The following TMEM272 variants were observed in gnomAD, a reference collection of about 807,000 sequenced individuals.
TMEM272 encodes transmembrane protein 272.
A neutral mutation model predicts 3.7 loss-of-function variants in TMEM272; 8 were observed. The observed-to-expected ratio is 2.17, with a 90% confidence interval of 1.27 to 3.91. The LOEUF is 3.91. Among genes scored for constraint, TMEM272 ranks in the 30% most tolerant of loss-of-function variants. TMEM272 has a pLI of 0.00. For missense variants in TMEM272, 166 were observed against 91.5 expected, an observed-to-expected ratio of 1.81 and a Z score of -3.32; for synonymous variants, 63 against 39.8, an observed-to-expected ratio of 1.58 and a Z score of -2.20.
chr13:51,816,811 C>A lies in TMEM272; in HGVS notation c.504G>T (p.Leu168=), dbSNP rs777225289. 1 of 703,000 alleles carries A rather than the reference C, an allele frequency of 1.4e-6. No homozygotes were observed. Among genetic ancestry groups the A allele is most frequent in the South Asian group, 1.5e-5 (1 of 67,600 alleles). 43.5% of individuals were successfully genotyped at this position (703,000 alleles called of 1,614,324 possible). ...ALSHTVLVLL[L]LCSGCVYLCS... is the part of the protein sequence containing the mutation. ...ACAGGTAGACACAGCCGCTGCACAG[C>A]AGGAGCAAGACCAGCACAGTGTGAC... The change falls in exon 5 of 5, where the codon CTG becomes CTT. Residue 168 remains leucine (L), a synonymous_variant. Transcript: ENST00000629372.
At chr13:51,870,609 C>T in the TMEM272 span, among the ~76,000 whole-genome samples, 589 of 152,204 alleles carry the variant, frequency 3.9e-3, 4 homozygotes, top group African/African-American at 0.014. Flanking sequence ...AGAAAGAAAC[C>T]AATAGCAACA....
At chr13:51,844,969 G>A (rs1187531916) in intron 1 of TMEM272, 47 bp downstream of exon 1, 1 of 152,198 alleles carries the variant, frequency 6.6e-6, no homozygotes, top group Non-Finnish European at 1.5e-5. Context: ...CCCTCTGCTA[G>A]GACTGTCTCT....
chr13:51,875,702 A>T, the TMEM272 span, among the ~76,000 whole-genome samples: 1 of 152,196 alleles, frequency 6.6e-6, no homozygotes, highest in African/African-American at 2.4e-5. Context: ...AGAACTGGGA[A>T]GAAAAGAACC....
the TMEM272 span, among the ~76,000 whole-genome samples, chr13:51,878,499 T>C: frequency 1.3e-5 from 2 of 151,962 alleles, no homozygotes; most frequent in Non-Finnish European, 2.9e-5. Flanking sequence ...AAGAACAGCA[T>C]GGGGGGGAAT....
At chr13:51,888,639 C>CTTTTTTTTTTTTTTTTTTTTTTTTTT in the TMEM272 span, among the ~76,000 whole-genome samples, 13 of 76,798 alleles carry the variant, frequency 1.7e-4, no homozygotes, top group Non-Finnish European at 2.9e-4. Context: ...TTTTCTTTTT[C>CTTTTTTTTTTTTTTTTTTTTTTTTTT]TTTTTTTTTT....
At chr13:51,914,489 C>A in the TMEM272 span, among the ~76,000 whole-genome samples, 1 of 152,218 alleles carries the variant, frequency 6.6e-6, no homozygotes. Flanking sequence ...GGACAGGGGA[C>A]AGGGGCTGGA....
chr13:51,929,595 C>T, the TMEM272 span, among the ~76,000 whole-genome samples: 1 of 152,216 alleles, frequency 6.6e-6, no homozygotes, highest in Non-Finnish European at 1.5e-5. Context: ...CCAAGGGATG[C>T]TGAGGAAGTA....
the TMEM272 span, among the ~76,000 whole-genome samples, chr13:51,886,824 G>A: frequency 1.3e-5 from 2 of 152,254 alleles, no homozygotes; most frequent in East Asian, 1.9e-4. Flanking sequence ...AAACAATGCT[G>A]AGACCAAGTC....
chr13:51,849,757 C>T (rs1956322527), upstream of TMEM272, among the ~76,000 whole-genome samples: 1 of 152,230 alleles, frequency 6.6e-6, no homozygotes. Flanking sequence ...GAATAACTCT[C>T]CTGTCTTCCT....
intron 3 of TMEM272, 79 bp from the exon 4 acceptor site, chr13:51,822,216 C>T: frequency 3.2e-6 from 2 of 625,818 alleles, no homozygotes; most frequent in Non-Finnish European, 2.9e-6. Flanking sequence ...GAGTGGAACA[C>T]CTTCAAAAGC....
At chr13:51,822,001 T>C (rs1956083724) in intron 4 of TMEM272, 54 bp downstream of exon 4, 1 of 702,376 alleles carries the variant, frequency 1.4e-6, no homozygotes, top group Non-Finnish European at 2.6e-6. Context: ...CATTACAGGA[T>C]GCCTGTGAGT....
rs1484830708 is a variant in TMEM272, at chr13:51,822,139, T to A, written c.119-2A>T. 4 of 695,702 alleles carry A rather than the reference T, an allele frequency of 5.7e-6. No individual in the cohort carries two copies. Among genetic ancestry groups the A allele is most frequent in the Admixed American group, 2.1e-5 (1 of 48,238 alleles). The allele number at this position is 695,702 out of a possible 1,614,324, so 43.1% of individuals were successfully genotyped here. On this transcript the variant is annotated splice_acceptor_variant, in intron 3 of 4. Transcript: ENST00000629372. LOFTEE classifies it high-confidence loss of function. ...GGCAGTCCTCCAAAAATTTCATTCC[T>A]ACATAGGGCAAACAGAAGAGGATTG...
At chr13:51,901,588 T>C in the TMEM272 span, among the ~76,000 whole-genome samples, 2 of 152,152 alleles carry the variant, frequency 1.3e-5, no homozygotes, top group African/African-American at 4.8e-5. Context: ...CATTACTAAC[T>C]ACCCCCGGAG....
chr13:51,859,505 A>ACACACACAC, the TMEM272 span, among the ~76,000 whole-genome samples: 1 of 129,868 alleles, frequency 7.7e-6, no homozygotes, highest in Non-Finnish European at 1.6e-5. Flanking sequence ...CTCCCAACCA[A>ACACACACAC]ACACACACAC....
the TMEM272 span, chr13:51,909,134 T>C: frequency 1.4e-6 from 2 of 1,443,536 alleles, no homozygotes; most frequent in Non-Finnish European, 1.9e-6. Context: ...AAGGATCTTT[T>C]TCTAAAAGTT....
chr13:51,842,759 C>T (rs570009145), intron 1 of TMEM272, among the ~76,000 whole-genome samples: 5 of 152,332 alleles, frequency 3.3e-5, no homozygotes, highest in Non-Finnish European at 7.3e-5. Flanking sequence ...ACCATTTGGT[C>T]TTCAGAACTC....
At chr13:51,933,059 T>C in the TMEM272 span, 1 of 152,124 alleles carries the variant, frequency 6.6e-6, no homozygotes, top group East Asian at 1.9e-4. Context: ...ATGTAAAAAG[T>C]GAAACTAACC....
chr13:51,912,698 G>A, the TMEM272 span, among the ~76,000 whole-genome samples: 32 of 152,228 alleles, frequency 2.1e-4, no homozygotes, highest in African/African-American at 6.7e-4. Context: ...CACTGACCTC[G>A]GTGTCTGCCT....
Position 51,816,894 on chromosome 13 carries a change from G to T in TMEM272, c.421C>A (p.Pro141Thr), listed in dbSNP as rs2139542444. 1.4e-6 allele frequency: 1 copy of T among 703,046 alleles called. No individual in the cohort carries two copies. Among genetic ancestry groups the T allele is most frequent in the Non-Finnish European group, 2.6e-6 (1 of 385,002 alleles). 43.6% of individuals were successfully genotyped at this position (703,046 alleles called of 1,614,324 possible). ...AGGGTTTTGTCACAGTAGTCCTGAGGCTGCTGGAAAGGGGGAAGAAAATCA... is the reference window on the plus strand; with the variant it reads ...AGGGTTTTGTCACAGTAGTCCTGAGTCTGCTGGAAAGGGGGAAGAAAATCA... ...LPDFLPPFQQ[P>T]QDYCDKTLYL... is the part of the protein sequence containing the mutation. Residue 141 changes from proline to threonine, a missense_variant, in exon 5 of 5, where the codon CCT becomes ACT. Transcript: ENST00000629372.
Sources: allele counts gnomAD v4.1 joint callset (sites outside exome capture counted in the v4.1 genomes callset), GRCh38; gene constraint gnomAD v4.1.1; transcripts MANE v1.5; gene names NCBI Gene and HGNC (gene_info 2026-07-23, HGNC 2026-07-21).